The following DYNC1LI1 variants were observed in gnomAD, a reference collection of about 807,000 sequenced individuals.
DYNC1LI1 encodes cytoplasmic dynein 1 light intermediate chain 1.
DYNC1LI1 carries 19 observed loss-of-function variants against 63.8 expected under a neutral mutation model. The observed-to-expected ratio is 0.30, with a 90% CI of 0.21 to 0.44. DYNC1LI1 has a LOEUF of 0.44. DYNC1LI1 is among the 20% of genes least tolerant of loss of function. The probability of loss-of-function intolerance (pLI) is 1.00; values close to 1 mark genes in which losing one functional copy is unlikely to be tolerated. For missense variants in DYNC1LI1, 565 were observed against 630.2 expected, an observed-to-expected ratio of 0.90 and a Z score of 1.11; for synonymous variants, 225 against 232.3, an observed-to-expected ratio of 0.97 and a Z score of 0.28.
intron 11 of DYNC1LI1, among the ~76,000 whole-genome samples, chr3:32,528,857 T>C (rs1559433240): frequency 1.3e-5 from 2 of 152,180 alleles, no homozygotes. Context: ...AGATGTTATA[T>C]ACTAATATAT....
chr3:32,530,182 T>C, intron 10 of DYNC1LI1, 102 bp downstream of exon 10: 1 of 946,982 alleles, frequency 1.1e-6, no homozygotes. Flanking sequence ...TTCAAGTTTA[T>C]ATCAAAGCAC....
intron 2 of DYNC1LI1, among the ~76,000 whole-genome samples, chr3:32,546,542 G>C (rs1332829759): frequency 6.6e-6 from 1 of 152,172 alleles, no homozygotes; most frequent in East Asian, 1.9e-4. Flanking sequence ...AAGGTAAAGT[G>C]AAACACCTTA....
At chr3:32,556,375 T>G (rs1035532825) in intron 2 of DYNC1LI1, among the ~76,000 whole-genome samples, 3 of 152,214 alleles carry the variant, frequency 2.0e-5, no homozygotes, top group African/African-American at 7.2e-5. Context: ...GTCAGGTATG[T>G]CCCCCACATT....
intron 2 of DYNC1LI1, among the ~76,000 whole-genome samples, chr3:32,548,292 A>C (rs1221638347): frequency 1.3e-5 from 2 of 152,104 alleles, no homozygotes; most frequent in Non-Finnish European, 2.9e-5. Context: ...CCAAACCCTA[A>C]TGTGAACTGC....
intron 6 of DYNC1LI1, 63 bp downstream of exon 6, chr3:32,536,948 A>T: frequency 1.1e-6 from 1 of 912,146 alleles, no homozygotes; most frequent in Non-Finnish European, 1.7e-6. Flanking sequence ...AATTCTTTTA[A>T]CTTTAAAAAA....
In DYNC1LI1 at chr3:32,570,818, G is replaced by A. The variant is rs760731349; in HGVS notation, c.-48C>T. 6.4e-6 allele frequency: 10 copies of A among 1,569,028 alleles called. No homozygotes were observed. The highest frequency in any genetic ancestry group is 3.4e-4 in the Middle Eastern group (2 of 5,930). The stretch of plus-strand genomic sequence containing the variant: ...CCCGGCAAGACTAAATGTGCGAGGC[G>A]GCTGAGGCGGTGGCGGTGGAGGCGG... On this transcript the variant is annotated 5_prime_UTR_variant, in exon 1 of 13. Coordinates refer to ENST00000273130, the MANE Select transcript of DYNC1LI1 (RefSeq NM_016141.4).
chr3:32,548,604 G>A (rs1697989969), intron 2 of DYNC1LI1, among the ~76,000 whole-genome samples: 1 of 152,188 alleles, frequency 6.6e-6, no homozygotes, highest in African/African-American at 2.4e-5. Flanking sequence ...AGGGAAGGGA[G>A]TTGGGGAGAG....
At chr3:32,546,720 A>T (rs185524101) in intron 2 of DYNC1LI1, among the ~76,000 whole-genome samples, 26 of 152,186 alleles carry the variant, frequency 1.7e-4, no homozygotes, top group Middle Eastern at 3.2e-3. Context: ...ATGGCACATC[A>T]ATCAGTTCCC....
chr3:32,538,715 T>A lies in DYNC1LI1; in HGVS notation c.739-1611A>T, dbSNP rs553668268. ...GGCTCCATATAAAAAAAAAAAAAAA[T>A]TTTTTTTAACTGAAATCAGAGGATC... On this transcript the variant is annotated intron_variant, in intron 5 of 12. Coordinates refer to ENST00000273130, the MANE Select transcript of DYNC1LI1 (RefSeq NM_016141.4). Among the ~76,000 whole-genome samples the A allele has an allele frequency of 3.9e-3, 584 of 148,924 alleles. 1 individual carries two copies. The highest frequency in any genetic ancestry group is 0.011 in the South Asian group (54 of 4,722).
chr3:32,541,753 A>C (rs1346697678), intron 4 of DYNC1LI1, among the ~76,000 whole-genome samples: 1 of 152,228 alleles, frequency 6.6e-6, no homozygotes, highest in Non-Finnish European at 1.5e-5. Flanking sequence ...CAAGGTTGTC[A>C]AAACTGTCAC....
At chr3:32,527,381 G>A (rs1697634936) in intron 12 of DYNC1LI1, among the ~76,000 whole-genome samples, 1 of 151,684 alleles carries the variant, frequency 6.6e-6, no homozygotes, top group Admixed American at 6.6e-5. Flanking sequence ...AGGTATAACT[G>A]GCACCTATCA....
intron 1 of DYNC1LI1, 75 bp downstream of exon 1, chr3:32,570,550 C>G: frequency 6.6e-7 from 1 of 1,511,326 alleles, no homozygotes. Context: ...CGAGCTCCAG[C>G]GGGCACGGGA....
chr3:32,530,729 T>C, intron 8 of DYNC1LI1: 1 of 512,170 alleles, frequency 2.0e-6, no homozygotes, highest in South Asian at 2.9e-5. Context: ...ATATTCTATA[T>C]CTGTGCTGTT....
At chr3:32,540,938 TAGG>T in intron 5 of DYNC1LI1, 96 bp downstream of exon 5, 1 of 790,426 alleles carries the variant, frequency 1.3e-6, no homozygotes, top group Non-Finnish European at 1.9e-6. Context: ...AAAAATCATC[TAGG>T]AGAACTAATG....
Position 32,537,089 on chromosome 3 carries a change from C to T in DYNC1LI1, c.754G>A (p.Val252Ile). 1 of 1,564,894 alleles carries T rather than the reference C, an allele frequency of 6.4e-7. No homozygotes were observed. Among genetic ancestry groups the T allele is most frequent in the Non-Finnish European group, 8.7e-7 (1 of 1,152,052 alleles). ...CTGTAGTCATGTTCTTTCTCCAATA[C>T]ACTAATGGCATCACACTGTTAAGTT... ...VVCTKCDAIS[V>I]LEKEHDYRDE... The change falls in exon 6 of 13, where the codon GTA becomes ATA. Residue 252 changes from valine to isoleucine, a missense_variant. Coordinates refer to ENST00000273130, the MANE Select transcript of DYNC1LI1 (RefSeq NM_016141.4).
chr3:32,564,959 G>A (rs1369380585), intron 2 of DYNC1LI1, among the ~76,000 whole-genome samples: 1 of 152,092 alleles, frequency 6.6e-6, no homozygotes, highest in Non-Finnish European at 1.5e-5. Flanking sequence ...AATAGCTCAA[G>A]CATAATAGTT....
At chr3:32,544,052 T>C (rs1428873690) in intron 4 of DYNC1LI1, among the ~76,000 whole-genome samples, 3 of 151,882 alleles carry the variant, frequency 2.0e-5, no homozygotes, top group African/African-American at 7.3e-5. Flanking sequence ...GGCAACAGTG[T>C]GGGACCCTGA....
At chr3:32,567,253 C>T (rs1442667305) in intron 2 of DYNC1LI1, among the ~76,000 whole-genome samples, 5 of 152,218 alleles carry the variant, frequency 3.3e-5, no homozygotes, top group African/African-American at 1.2e-4. Flanking sequence ...ATTCATTACC[C>T]CATCTATAAA....
chr3:32,563,263 C>CA (rs1698216417), intron 2 of DYNC1LI1, among the ~76,000 whole-genome samples: 2 of 149,492 alleles, frequency 1.3e-5, no homozygotes, highest in African/African-American at 4.9e-5. Flanking sequence ...AAATAAGGCC[C>CA]AAAAAGGTTA....
Sources: allele counts gnomAD v4.1 joint callset (sites outside exome capture counted in the v4.1 genomes callset), GRCh38; gene constraint gnomAD v4.1.1; transcripts MANE v1.5; gene names NCBI Gene and HGNC (gene_info 2026-07-23, HGNC 2026-07-21).